Variants in OR56A3 observed in about 807,000 individuals in gnomAD.
The protein encoded by OR56A3 is olfactory receptor 56A3.
Under a neutral mutation model 17.5 loss-of-function variants are expected in OR56A3, and 23 were observed. That is an observed-to-expected ratio of 1.32 (90% CI 0.95 to 1.87). The LOEUF (loss-of-function observed/expected upper bound fraction) is 1.87, where lower values mean the gene tolerates loss of function less well. Among genes scored for constraint, OR56A3 ranks in the 40% most tolerant of loss-of-function variants. The probability of loss-of-function intolerance (pLI) is 0.00; values close to 1 mark genes in which losing one functional copy is unlikely to be tolerated. For missense variants in OR56A3, 366 were observed against 380.1 expected (o/e 0.96, Z 0.31); for synonymous variants, 175 against 150.6 (o/e 1.16, Z -1.19).
chr11:5,952,803 C>A (rs910159968), downstream of OR56A3, among the ~76,000 whole-genome samples: 1 of 152,112 alleles, frequency 6.6e-6, no homozygotes, highest in Non-Finnish European at 1.5e-5. Flanking sequence ...TATCCCTTTC[C>A]CTCTCTTCCA....
At chr11:5,944,338 A>C (rs1198723733) in intron 1 of OR56A3, among the ~76,000 whole-genome samples, 1 of 152,222 alleles carries the variant, frequency 6.6e-6, no homozygotes, top group African/African-American at 2.4e-5. Flanking sequence ...CAAAAGGGGA[A>C]TAAGGAGGGA....
At chr11:6,011,223 C>CACATATATATATATATATATATATATAT in the OR56A3 span, among the ~76,000 whole-genome samples, 3 of 145,488 alleles carry the variant, frequency 2.1e-5, no homozygotes, top group South Asian at 2.2e-4. Context: ...TATATATATA[C>CACATATATATATATATATATATATATAT]ACACATATAT....
chr11:6,002,771 G>A, the OR56A3 span: 108 of 1,613,834 alleles, frequency 6.7e-5, no homozygotes, highest in Non-Finnish European at 8.7e-5. Flanking sequence ...GGCAGAGCAC[G>A]ATGTCCAGCA....
downstream of OR56A3, among the ~76,000 whole-genome samples, chr11:5,953,695 T>C (rs1181744716): frequency 6.6e-6 from 1 of 152,182 alleles, no homozygotes; most frequent in East Asian, 1.9e-4. Flanking sequence ...ATAGTACTTA[T>C]TTATATTTTA....
At chr11:6,015,683 G>T in the OR56A3 span, among the ~76,000 whole-genome samples, 1 of 152,198 alleles carries the variant, frequency 6.6e-6, no homozygotes, top group African/African-American at 2.4e-5. Flanking sequence ...AGATTATTCT[G>T]GAGCTTTAAG....
chr11:6,016,820 TA>T, the OR56A3 span, among the ~76,000 whole-genome samples: 8 of 143,866 alleles, frequency 5.6e-5, no homozygotes, highest in South Asian at 4.4e-4. Context: ...GAGATATCAT[TA>T]AAAAAAAAAG....
the OR56A3 span, among the ~76,000 whole-genome samples, chr11:5,991,132 C>G: frequency 3.9e-5 from 6 of 152,172 alleles, no homozygotes; most frequent in African/African-American, 1.4e-4. Context: ...GTCTATGCAG[C>G]TAAAATTTTC....
the OR56A3 span, among the ~76,000 whole-genome samples, chr11:5,984,614 G>A: frequency 6.6e-6 from 1 of 152,088 alleles, no homozygotes; most frequent in Non-Finnish European, 1.5e-5. Flanking sequence ...CCCTAGACTG[G>A]GAATGAAGCT....
the OR56A3 span, among the ~76,000 whole-genome samples, chr11:5,969,941 T>G: frequency 6.6e-6 from 1 of 152,014 alleles, no homozygotes; most frequent in Non-Finnish European, 1.5e-5. Flanking sequence ...TGAGACTAGT[T>G]GCGTAGAAGA....
At chr11:5,944,508 A>G (rs1279488358) in intron 1 of OR56A3, among the ~76,000 whole-genome samples, 1 of 152,220 alleles carries the variant, frequency 6.6e-6, no homozygotes, top group African/African-American at 2.4e-5. Context: ...AAAATCCCAA[A>G]TAACATAAAC....
chr11:5,965,445 G>A, the OR56A3 span, among the ~76,000 whole-genome samples: 1 of 152,152 alleles, frequency 6.6e-6, no homozygotes, highest in East Asian at 1.9e-4. Context: ...ATCCCAATAA[G>A]CAGGCTTAGG....
the OR56A3 span, among the ~76,000 whole-genome samples, chr11:5,964,859 A>G: frequency 6.6e-6 from 1 of 152,044 alleles, no homozygotes; most frequent in South Asian, 2.1e-4. Context: ...TCTTTCCCCT[A>G]AGATAGTATC....
the OR56A3 span, among the ~76,000 whole-genome samples, chr11:5,997,680 T>C: frequency 3.1e-4 from 47 of 152,268 alleles, no homozygotes; most frequent in Admixed American, 8.5e-4. Context: ...TCTTATATAC[T>C]TGAAAAACAA....
At chr11:5,983,284 T>C in the OR56A3 span, among the ~76,000 whole-genome samples, 1 of 152,214 alleles carries the variant, frequency 6.6e-6, no homozygotes, top group Non-Finnish European at 1.5e-5. Flanking sequence ...TTTTGCTATA[T>C]GTACTTTTCA....
chr11:5,944,554 G>A (rs1014089278), intron 1 of OR56A3, among the ~76,000 whole-genome samples: 2 of 152,190 alleles, frequency 1.3e-5, no homozygotes, highest in Admixed American at 6.5e-5. Context: ...GGGCACAGGC[G>A]TATTCCTATT....
chr11:5,947,879 T>C lies in OR56A3; in HGVS notation c.533T>C (p.Ile178Thr), dbSNP rs540988763. The C allele has an allele frequency of 1.4e-4, 231 of 1,614,238 alleles. 2 individuals are homozygous for C. The Middle Eastern group carries it at 1.8e-3, about 13-fold the overall frequency. Reference protein sequence around the residue: ...AQLRYCGRNVIENCICANMSV... With the variant: ...AQLRYCGRNVTENCICANMSV... ...CTCCGTTATTGTGGAAGAAATGTCA[T>C]TGAGAACTGCATCTGTGCCAATATG... is the stretch of plus-strand genomic sequence containing the variant. The change falls in exon 3 of 3, where the codon ATT (isoleucine) becomes ACT (threonine). Residue 178 changes from isoleucine to threonine, a missense_variant. Transcript: ENST00000641160.
the OR56A3 span, among the ~76,000 whole-genome samples, chr11:6,014,145 C>T: frequency 6.6e-6 from 1 of 152,196 alleles, no homozygotes; most frequent in South Asian, 2.1e-4. Flanking sequence ...AAGCCCAGCA[C>T]ATCTGACATC....
rs865937430 is a variant in OR56A3 at position 5,948,000 on chromosome 11, C to T, written c.654C>T (p.Ile218=). The T allele has an allele frequency of 6.2e-7, 1 of 1,614,226 alleles. No homozygotes were observed. The highest frequency in any genetic ancestry group is 8.5e-7 in the Non-Finnish European group (1 of 1,180,046). ...WTLLGSDLIL[I]FLSYTFILRA... is the part of the protein sequence containing the mutation. ...TGCTAGGATCTGACCTCATCCTTATCTTCCTCTCCTACACCTTCATTCTGC... is the reference window on the plus strand; with the variant it reads ...TGCTAGGATCTGACCTCATCCTTATTTTCCTCTCCTACACCTTCATTCTGC... Residue 218 remains isoleucine (I), a synonymous_variant, in exon 3 of 3, where the codon ATC becomes ATT. Transcript: ENST00000641160.
At chr11:6,004,002 A>G in the OR56A3 span, among the ~76,000 whole-genome samples, 417 of 152,296 alleles carry the variant, frequency 2.7e-3, 1 homozygote, top group African/African-American at 9.6e-3. Flanking sequence ...ACTACTAAAC[A>G]AAGAGAAAGA....
Sources: allele counts gnomAD v4.1 joint callset (sites outside exome capture counted in the v4.1 genomes callset), GRCh38; gene constraint gnomAD v4.1.1; transcripts MANE v1.5; gene names NCBI Gene and HGNC (gene_info 2026-07-23, HGNC 2026-07-21).